Variants in STARD9 observed in about 807,000 individuals in gnomAD.
The protein encoded by STARD9 is StAR related lipid transfer domain containing 9, also known as stAR-related lipid transfer protein 9.
Under a neutral mutation model 399.8 loss-of-function variants are expected in STARD9, and 346 were observed. The ratio of observed to expected loss-of-function variants is 0.87; its 90% CI spans 0.79 to 0.95. The LOEUF is 0.95. STARD9 is among the 40% of genes least tolerant of loss of function. The pLI, the probability that STARD9 is intolerant of heterozygous loss-of-function variation, is 0.00. For missense variants in STARD9, 5,832 were observed against 5,667.5 expected (o/e 1.03, Z -0.93); for synonymous variants, 2,203 against 2,143.5 (o/e 1.03, Z -0.77).
intron 26 of STARD9, among the ~76,000 whole-genome samples, chr15:42,710,504 T>A (rs2061191574): frequency 6.6e-6 from 1 of 152,222 alleles, no homozygotes; most frequent in Non-Finnish European, 1.5e-5. Flanking sequence ...CCCCAGCCCT[T>A]GGCAACCACG....
rs2060800589 is a variant in STARD9, at chr15:42,694,653, G to A, written c.12890G>A (p.Trp4297Ter). ...CTGCCCAACAAAGATCTCTTCATCT[G>A]GGATCTTGACTTGCCCAGCAGACGC... Reference protein sequence around the residue: ...SLLPNKDLFIWDLDLPSRRRE... With the variant: ...SLLPNKDLFI Residue 4297 changes from tryptophan (W) to a stop codon, truncating the protein, a stop_gained, in exon 24 of 33, where the codon TGG becomes TAG. Coordinates refer to ENST00000290607, the MANE Select transcript of STARD9 (RefSeq NM_020759.3). LOFTEE classifies it high-confidence loss of function. The A allele has an allele frequency of 6.5e-7, 1 of 1,537,086 alleles. No individual in the cohort carries two copies. The highest frequency in any genetic ancestry group is 8.7e-7 in the Non-Finnish European group (1 of 1,146,902).
rs533842483 is a variant in STARD9, at chr15:42,687,265, G to A, written c.5687G>A (p.Gly1896Asp). The A allele has an allele frequency of 9.1e-6, 14 of 1,536,978 alleles. No individual in the cohort carries two copies. In the African/African-American group the frequency reaches 1.5e-4, roughly 17 times the overall value. The change falls in exon 23 of 33, where the codon GGT (glycine) becomes GAT (aspartate). Residue 1896 changes from glycine (G) to aspartate (D), a missense_variant. Transcript: ENST00000290607. ...GAGGTCACTGCTCAGTCCTGTTGCGGTGCTTCCTCAGACAGCACTGAGTCT... is the reference window on the plus strand; with the variant it reads ...GAGGTCACTGCTCAGTCCTGTTGCGATGCTTCCTCAGACAGCACTGAGTCT... Reference protein sequence around the residue: ...GGEVTAQSCCGASSDSTESGK... With the variant: ...GGEVTAQSCCDASSDSTESGK...
rs1161862039 is a variant in STARD9, at chr15:42,688,648, C to T, written c.7070C>T (p.Ser2357Leu). The T allele has an allele frequency of 1.3e-6, 2 of 1,537,622 alleles. No individual in the cohort carries two copies. Among genetic ancestry groups the T allele is most frequent in the South Asian group, 1.2e-5 (1 of 84,064 alleles). ...LHVPVALGIS[S>L]LDCVLDLTML... ...GTACCTGTTGCTCTAGGCATCTCTTCACTTGACTGTGTGCTGGATCTCACA... is the reference window on the plus strand; with the variant it reads ...GTACCTGTTGCTCTAGGCATCTCTTTACTTGACTGTGTGCTGGATCTCACA... The change falls in exon 23 of 33, where the codon TCA (serine) becomes TTA (leucine). Residue 2357 changes from serine to leucine, a missense_variant. Around this residue, in one of 2 missense-constraint regions of STARD9, gnomAD observed 5,828 missense variants for 5,651.1 expected, o/e 1.03. Coordinates refer to ENST00000290607, the MANE Select transcript of STARD9 (RefSeq NM_020759.3).
rs766382871 is a variant in STARD9 at position 42,688,949 on chromosome 15, T to C, written c.7371T>C (p.Ser2457=). ...KDLRITLLGF[S]TSEDFASEAE... ...TCAGAATCACCTTGCTGGGTTTCAG[T>C]ACCAGTGAAGATTTTGCTTCTGAAG... The change falls in exon 23 of 33, where the codon AGT becomes AGC. Residue 2457 remains serine (S), a synonymous_variant. Transcript: ENST00000290607. 1.4e-5 allele frequency: 22 copies of C among 1,537,212 alleles called. No homozygotes were observed. In the South Asian group the frequency reaches 2.1e-4, roughly 15 times the overall value.
At position 42,630,587 on chromosome 15, in the gene STARD9, T is replaced by G. The variant is rs114642146; in HGVS notation, c.235-4269T>G. On this transcript the variant is annotated intron_variant, in intron 3 of 32. Coordinates refer to ENST00000290607, the MANE Select transcript of STARD9 (RefSeq NM_020759.3). ...TCTGGGGTTTTCTTTGCTGGGAGAT[T>G]TTTATTACAGCTTCATTACTTGTTA... Among the ~76,000 whole-genome samples, 1,115 of 152,258 alleles carry G rather than the reference T, an allele frequency of 7.3e-3. 14 individuals carry two copies. Among genetic ancestry groups the G allele is most frequent in the African/African-American group, 0.025 (1,057 of 41,552 alleles).
chr15:42,698,680 A>T (rs1465763579), intron 26 of STARD9, among the ~76,000 whole-genome samples: 1 of 152,192 alleles, frequency 6.6e-6, no homozygotes, highest in East Asian at 1.9e-4. Context: ...TATCTAGGTT[A>T]TAAATAATAA....
intron 17 of STARD9, 106 bp downstream of exon 17, chr15:42,674,597 G>A (rs527336262): frequency 4.0e-5 from 50 of 1,247,596 alleles, no homozygotes; most frequent in East Asian, 1.0e-4. Context: ...AATCATTGGC[G>A]TATTCAGGGC....
At position 42,689,683 on chromosome 15, in the gene STARD9, T is replaced by G. The variant is rs1360348112; in HGVS notation, c.8105T>G (p.Ile2702Arg). ...TGTCACTCTAGTTCTTCTGAAATCA[T>G]AGAGAAAAAGAAAGATGCAACCAGA... ...FICHSSSSEI[I>R]EKKKDATRTP... is the part of the protein sequence containing the mutation. The change falls in exon 23 of 33, where the codon ATA becomes AGA. Residue 2702 changes from isoleucine to arginine, a missense_variant. Physicochemically the swap from Ile to Arg is moderately conservative, Grantham distance 97. Around this residue, in one of 2 missense-constraint regions of STARD9, gnomAD observed 5,828 missense variants for 5,651.1 expected, o/e 1.03. Transcript: ENST00000290607. The G allele has an allele frequency of 4.6e-5, 71 of 1,537,650 alleles. No individual in the cohort carries two copies. The highest frequency in any genetic ancestry group is 5.9e-5 in the Non-Finnish European group (68 of 1,147,034).
At chr15:42,591,242 C>T (rs2058386348) in intron 3 of STARD9, among the ~76,000 whole-genome samples, 1 of 152,162 alleles carries the variant, frequency 6.6e-6, no homozygotes. Flanking sequence ...AATCCTAGCA[C>T]TTTGGGAGGC....
rs78325423 is a variant in STARD9 at position 42,720,351 on chromosome 15, G to C, written c.*777G>C. 0.028 allele frequency: 4,298 copies of C among 152,448 alleles called. 118 individuals carry two copies. Among genetic ancestry groups the C allele is most frequent in the Non-Finnish European group, 0.042 (2,884 of 68,096 alleles). 9.4% of individuals were successfully genotyped at this position (152,448 alleles called of 1,614,324 possible). A position where few individuals can be genotyped will look rare whatever the true frequency, so the allele number is the denominator to read the frequency against. ...GTTCTTTTGAGGACTGGTTGGAGTG[G>C]CAGCCAGATGGTGGCTGCTGACAAG... On this transcript the variant is annotated 3_prime_UTR_variant, in exon 33 of 33. Transcript: ENST00000290607.
At chr15:42,576,053 A>T (rs998691983) in intron 1 of STARD9, among the ~76,000 whole-genome samples, 6 of 152,230 alleles carry the variant, frequency 3.9e-5, no homozygotes, top group Admixed American at 2.0e-4. Flanking sequence ...GGCTTGCTGC[A>T]TCGGGTTGGG....
intron 1 of STARD9, 72 bp downstream of exon 1, chr15:42,575,834 CT>C (rs1403315462): frequency 1.5e-5 from 22 of 1,456,456 alleles, no homozygotes; most frequent in Non-Finnish European, 2.0e-5. Context: ...GCGTCTCCCC[CT>C]GCAGAGATTC....
At chr15:42,601,062 G>T (rs1461232699) in intron 3 of STARD9, among the ~76,000 whole-genome samples, 1 of 151,866 alleles carries the variant, frequency 6.6e-6, no homozygotes, top group African/African-American at 2.4e-5. Context: ...AGGGAGTGGT[G>T]ATGACTCTTA....
At chr15:42,672,481 C>G (rs955756462) in intron 16 of STARD9, 1 of 152,220 alleles carries the variant, frequency 6.6e-6, no homozygotes, top group Non-Finnish European at 1.5e-5. Flanking sequence ...TAGCCTTTAT[C>G]TTTTTGGAAG....
intron 3 of STARD9, among the ~76,000 whole-genome samples, chr15:42,607,649 T>TACACACACACACAC (rs1486459511): frequency 1.2e-5 from 1 of 81,344 alleles, no homozygotes; most frequent in African/African-American, 5.2e-5. Context: ...CACACACACT[T>TACACACACACACAC]ATACACACAC....
chr15:42,678,479 T>C (rs773897674), intron 20 of STARD9, among the ~76,000 whole-genome samples: 9 of 152,178 alleles, frequency 5.9e-5, no homozygotes, highest in Admixed American at 2.0e-4. Flanking sequence ...TTGAATACCA[T>C]TGCCTGTGTT....
intron 26 of STARD9, among the ~76,000 whole-genome samples, chr15:42,715,473 G>A (rs2061332818): frequency 6.6e-6 from 1 of 152,074 alleles, no homozygotes; most frequent in African/African-American, 2.4e-5. Flanking sequence ...TTGAGCCCAG[G>A]AGTCTAAGAC....
chr15:42,688,482 C>T lies in STARD9; in HGVS notation c.6904C>T (p.Leu2302Phe). 6.5e-7 allele frequency: 1 copy of T among 1,537,886 alleles called. No individual in the cohort carries two copies. The highest frequency in any genetic ancestry group is 1.2e-5 in the South Asian group (1 of 84,058). ...TCAGAAATTTCCTAGTCTCAGCCAG[C>T]TTTGTAGGGACACGTTTTTCAGGCA... is the stretch of plus-strand genomic sequence containing the variant. Reference protein sequence around the residue: ...VTQKFPSLSQLCRDTFFRQET... With the variant: ...VTQKFPSLSQFCRDTFFRQET... The change falls in exon 23 of 33, where the codon CTT becomes TTT. Residue 2302 changes from leucine to phenylalanine, a missense_variant. Coordinates refer to ENST00000290607, the MANE Select transcript of STARD9 (RefSeq NM_020759.3).
chr15:42,619,666 CAGG>C (rs1476765091), intron 3 of STARD9, among the ~76,000 whole-genome samples: 1 of 152,146 alleles, frequency 6.6e-6, no homozygotes, highest in Non-Finnish European at 1.5e-5. Flanking sequence ...GCTGATCTGA[CAGG>C]AGGCAGAGCT....
Sources: allele counts gnomAD v4.1 joint callset (sites outside exome capture counted in the v4.1 genomes callset), GRCh38; gene constraint gnomAD v4.1.1; regional missense constraint gnomAD v4.1.1; transcripts MANE v1.5; gene names NCBI Gene and HGNC (gene_info 2026-07-23, HGNC 2026-07-21).